FHIT: variants seen among roughly 807,000 people sequenced by gnomAD.
FHIT encodes the protein fragile histidine triad diadenosine triphosphatase, also known as bis(5'-adenosyl)-triphosphatase.
Under a neutral mutation model 17.9 loss-of-function variants are expected in FHIT, and 19 were observed. The observed-to-expected ratio is 1.06, with a 90% confidence interval of 0.74 to 1.56. The LOEUF is 1.56. FHIT is among the 40% of genes most tolerant of loss of function. The pLI is 0.00. For missense variants in FHIT, 248 were observed against 189.2 expected (o/e 1.31, Z -1.82); for synonymous variants, 81 against 69.7 (o/e 1.16, Z -0.81).
At chr3:60,087,817 A>G (rs1035353141) in intron 5 of FHIT, among the ~76,000 whole-genome samples, 4 of 152,092 alleles carry the variant, frequency 2.6e-5, no homozygotes, top group African/African-American at 9.7e-5. Context: ...GAAGTTCAAC[A>G]CTTTCCCTTG....
At position 60,213,174 on chromosome 3, in the gene FHIT, C is replaced by A. The variant is rs924649732; in HGVS notation, c.104-199022G>T. On this transcript the variant is annotated intron_variant, in intron 5 of 9. Transcript: ENST00000492590. ...AATTGGCTTATATAACTAGGTATTCCAATGATAGAGAGAACATGAGACAAA... is the reference window on the plus strand; with the variant it reads ...AATTGGCTTATATAACTAGGTATTCAAATGATAGAGAGAACATGAGACAAA... Among the ~76,000 whole-genome samples the A allele has an allele frequency of 6.6e-5, 10 of 152,216 alleles. No homozygotes were observed. The East Asian group carries it at 1.9e-3, about 29-fold the overall frequency.
chr3:60,548,315 T>C (rs569659497), intron 4 of FHIT, among the ~76,000 whole-genome samples: 3 of 152,194 alleles, frequency 2.0e-5, no homozygotes, highest in Non-Finnish European at 4.4e-5. Flanking sequence ...TACTCTGTTA[T>C]CAGACAACAA....
intron 5 of FHIT, among the ~76,000 whole-genome samples, chr3:60,044,896 G>C (rs1400179430): frequency 1.3e-5 from 2 of 152,102 alleles, no homozygotes; most frequent in Non-Finnish European, 2.9e-5. Flanking sequence ...GCTCATGAAA[G>C]AAAAGCCCAG....
intron 3 of FHIT, among the ~76,000 whole-genome samples, chr3:60,897,944 C>T (rs567179525): frequency 7.2e-5 from 11 of 152,200 alleles, no homozygotes; most frequent in African/African-American, 2.6e-4. Context: ...TTGATGGGTA[C>T]ATTTTCTCTT....
intron 8 of FHIT, among the ~76,000 whole-genome samples, chr3:59,800,336 A>G (rs548443566): frequency 1.3e-5 from 2 of 152,048 alleles, no homozygotes; most frequent in Non-Finnish European, 2.9e-5. Context: ...ACTCAACACG[A>G]CTCTTTAATA....
intron 2 of FHIT, among the ~76,000 whole-genome samples, chr3:61,094,867 A>T (rs943208263): frequency 4.6e-5 from 7 of 152,198 alleles, no homozygotes; most frequent in Non-Finnish European, 4.4e-5. Flanking sequence ...ACAGCATGAG[A>T]TTCCATCATG....
At position 60,043,942 on chromosome 3, in the gene FHIT, C is replaced by T. The variant is rs776045201; in HGVS notation, c.104-29790G>A. ...AAATAATAAAACAGAATAATCCAAA[C>T]GACAGGCCAACGTGGTGAGTGATAT... is the stretch of plus-strand genomic sequence containing the variant. On this transcript the variant is annotated intron_variant, in intron 5 of 9. Transcript: ENST00000492590. 1.8e-4 allele frequency among the ~76,000 whole-genome samples: 28 copies of T among 152,292 alleles called. 1 individual carries two copies. The highest frequency in any genetic ancestry group is 6.8e-3 in the Middle Eastern group (2 of 294).
chr3:60,740,861 T>C (rs2042225975), intron 4 of FHIT, among the ~76,000 whole-genome samples: 1 of 152,228 alleles, frequency 6.6e-6, no homozygotes, highest in Admixed American at 6.5e-5. Context: ...GGGGTTATGT[T>C]GATGAGTTTA....
At chr3:60,438,461 C>T (rs1420010232) in intron 5 of FHIT, among the ~76,000 whole-genome samples, 1 of 152,052 alleles carries the variant, frequency 6.6e-6, no homozygotes, top group Non-Finnish European at 1.5e-5. Flanking sequence ...TTACAAGCAG[C>T]CCACCCTGAA....
At position 59,802,641 on chromosome 3, in the gene FHIT, C is replaced by A. The variant is rs147851484; in HGVS notation, c.349-50320G>T. Reference sequence around the variant, plus strand: ...CACCCCATCTGCCTTCCTTGACTCTCTTTTTGGACTCAGCCCGCCTGCACC... The same window carrying A: ...CACCCCATCTGCCTTCCTTGACTCTATTTTTGGACTCAGCCCGCCTGCACC... On this transcript the variant is annotated intron_variant, in intron 8 of 9. Coordinates refer to ENST00000492590, the MANE Select transcript of FHIT (RefSeq NM_002012.4). 9.1e-3 allele frequency among the ~76,000 whole-genome samples: 1,384 copies of A among 152,162 alleles called. 26 individuals carry two copies. Among genetic ancestry groups the A allele is most frequent in the African/African-American group, 0.032 (1,331 of 41,510 alleles).
chr3:60,315,131 T>C (rs1709109090), intron 5 of FHIT, among the ~76,000 whole-genome samples: 1 of 152,080 alleles, frequency 6.6e-6, no homozygotes, highest in African/African-American at 2.4e-5. Flanking sequence ...AACCTCCAGC[T>C]ATCTGAGTCA....
At chr3:60,430,129 C>T (rs570574816) in intron 5 of FHIT, among the ~76,000 whole-genome samples, 1 of 152,104 alleles carries the variant, frequency 6.6e-6, no homozygotes, top group East Asian at 1.9e-4. Flanking sequence ...GTCTTCTGAC[C>T]TGCAGATTTG....
At chr3:61,126,880 G>A (rs1236908993) in intron 2 of FHIT, among the ~76,000 whole-genome samples, 2 of 152,072 alleles carry the variant, frequency 1.3e-5, no homozygotes, top group African/African-American at 4.8e-5. Flanking sequence ...TACTGTACAA[G>A]TTCCTGGAAG....
At chr3:61,169,188 C>A (rs2037926002) in intron 2 of FHIT, among the ~76,000 whole-genome samples, 1 of 152,216 alleles carries the variant, frequency 6.6e-6, no homozygotes, top group South Asian at 2.1e-4. Context: ...CTATTTTGCA[C>A]CACTTCGTAA....
chr3:60,554,649 T>G (rs2036682250), intron 4 of FHIT, among the ~76,000 whole-genome samples: 1 of 152,176 alleles, frequency 6.6e-6, no homozygotes, highest in Admixed American at 6.5e-5. Flanking sequence ...ACATTGGGTC[T>G]TTTACTTTAA....
intron 5 of FHIT, among the ~76,000 whole-genome samples, chr3:60,532,550 T>C: frequency 6.6e-6 from 1 of 152,240 alleles, no homozygotes; most frequent in East Asian, 1.9e-4. Flanking sequence ...AAAATGATTC[T>C]GTCACCAAGA....
intron 7 of FHIT, among the ~76,000 whole-genome samples, chr3:59,946,990 C>A (rs1706841377): frequency 6.6e-6 from 1 of 152,152 alleles, no homozygotes; most frequent in African/African-American, 2.4e-5. Context: ...TATTGTGTCT[C>A]TGCCAGATTT....
At chr3:60,634,506 A>G (rs782760918) in intron 4 of FHIT, among the ~76,000 whole-genome samples, 1 of 152,164 alleles carries the variant, frequency 6.6e-6, no homozygotes, top group African/African-American at 2.4e-5. Context: ...ACATATAAAA[A>G]CTTTCATTAC....
At chr3:61,053,615 G>C (rs1467575848) in intron 2 of FHIT, among the ~76,000 whole-genome samples, 1 of 152,040 alleles carries the variant, frequency 6.6e-6, no homozygotes, top group Non-Finnish European at 1.5e-5. Flanking sequence ...CCTAGATCGT[G>C]CCATTGCATT....
Sources: gnomAD v4.1 joint callset for allele counts (sites outside exome capture counted in the v4.1 genomes callset) on GRCh38, gnomAD v4.1.1 for gene constraint, MANE v1.5 for transcripts, NCBI Gene and HGNC (gene_info 2026-07-23, HGNC 2026-07-21) for gene names.